The following LHX5 variants were observed in gnomAD, a reference collection of about 807,000 sequenced individuals.
The protein encoded by LHX5 is LIM/homeobox protein Lhx5.
A neutral mutation model predicts 30.6 loss-of-function variants in LHX5; 5 were observed. The observed-to-expected ratio is 0.16, with a 90% CI of 0.09 to 0.34. The LOEUF (loss-of-function observed/expected upper bound fraction) is 0.34, where lower values mean the gene tolerates loss of function less well. Ranked by LOEUF, LHX5 falls within the 10% of genes least tolerant of loss-of-function variation. The pLI, the probability that LHX5 is intolerant of heterozygous loss-of-function variation, is 1.00. For synonymous variants in LHX5, 266 were observed against 252.6 expected (o/e 1.05, Z -0.50); for missense variants, 458 against 570.6 (o/e 0.80, Z 2.01).
Position 113,464,963 on chromosome 12 carries a change from G to A in LHX5, c.842-1406C>T, listed in dbSNP as rs1237166226. Among the ~76,000 whole-genome samples, 2 of 152,134 alleles carry A rather than the reference G, an allele frequency of 1.3e-5. No individual in the cohort carries two copies. The highest frequency in any genetic ancestry group is 2.4e-5 in the African/African-American group (1 of 41,444). On this transcript the variant is annotated intron_variant, in intron 4 of 4. Transcript: ENST00000261731. This position sits in a 1 kb window ranked among gnomAD's most constrained non-coding sequence, Gnocchi z 6.2. ...GACTGACGTGGGGGACGTCACGAAA[G>A]GACCACCTTGTACCAGGCACCCGCT... is the stretch of plus-strand genomic sequence containing the variant.
rs1028646598 is a variant in LHX5, at chr12:113,463,796, C to T, written c.842-239G>A. On this transcript the variant is annotated intron_variant, in intron 4 of 4. Transcript: ENST00000261731. This position sits in a 1 kb window ranked among gnomAD's most constrained non-coding sequence, Gnocchi z 6.7. Reference sequence around the variant, plus strand: ...TCGAAAGGGCAAGAGACTCAGACTGCCAGAGACCACACACAGAGACGGGAG... The same window carrying T: ...TCGAAAGGGCAAGAGACTCAGACTGTCAGAGACCACACACAGAGACGGGAG... Among the ~76,000 whole-genome samples the T allele has an allele frequency of 6.6e-6, 1 of 152,074 alleles. No individual in the cohort carries two copies. The highest frequency in any genetic ancestry group is 2.4e-5 in the African/African-American group (1 of 41,408).
intron 1 of LHX5, among the ~76,000 whole-genome samples, chr12:113,470,108 G>A (rs1171404532): frequency 1.3e-5 from 2 of 152,136 alleles, no homozygotes; most frequent in Non-Finnish European, 2.9e-5. Flanking sequence ...TCAAATCCCC[G>A]CTTTCCCGCG....
chr12:113,467,996 C>T lies in LHX5; in HGVS notation c.675+131G>A. The T allele has an allele frequency of 3.1e-6, 4 of 1,289,634 alleles. No homozygotes were observed. Among genetic ancestry groups the T allele is most frequent in the Non-Finnish European group, 4.1e-6 (4 of 968,130 alleles). The allele number at this position is 1,289,634 out of a possible 1,614,324, so 79.9% of individuals were successfully genotyped here. The stretch of plus-strand genomic sequence containing the variant: ...CCCGACCTCGGGCAAGTGCCCCACT[C>T]GGGCGCACGGTCTGCTCCCAGACCA... On this transcript the variant is annotated intron_variant, in intron 3 of 4. Coordinates refer to ENST00000261731, the MANE Select transcript of LHX5 (RefSeq NM_022363.3). This position sits in a 1 kb window ranked among gnomAD's most constrained non-coding sequence, Gnocchi z 6.3.
rs557001401 is a variant in LHX5 at position 113,465,199 on chromosome 12, A to G, written c.842-1642T>C. 2.8e-4 allele frequency among the ~76,000 whole-genome samples: 43 copies of G among 152,318 alleles called. No individual in the cohort carries two copies. Among genetic ancestry groups the G allele is most frequent in the Middle Eastern group, 6.8e-3 (2 of 294 alleles). On this transcript the variant is annotated intron_variant, in intron 4 of 4. Coordinates refer to ENST00000261731, the MANE Select transcript of LHX5 (RefSeq NM_022363.3). This position sits in a 1 kb window ranked among gnomAD's most constrained non-coding sequence, Gnocchi z 6.7. ...TAAGCAACAGCTAAAACGGTTGCCA[A>G]TTACTTTTTAAAACCATTAATTTAA...
rs1958219767 is a variant in LHX5 at position 113,467,186 on chromosome 12, C to T, written c.841+70G>A. The T allele has an allele frequency of 1.2e-5, 17 of 1,365,786 alleles. No homozygotes were observed. The highest frequency in any genetic ancestry group is 1.4e-5 in the Non-Finnish European group (15 of 1,049,510). 84.6% of individuals were successfully genotyped at this position (1,365,786 alleles called of 1,614,324 possible). Reference sequence around the variant, plus strand: ...TCTGGAGCGGCGGAAAGCGTGCTGGCCGGGACCCTTCGCCCTCAGCTCCCG... The same window carrying T: ...TCTGGAGCGGCGGAAAGCGTGCTGGTCGGGACCCTTCGCCCTCAGCTCCCG... On this transcript the variant is annotated intron_variant, in intron 4 of 4. Transcript: ENST00000261731. The surrounding 1 kb of genome is among the most constrained non-coding windows in gnomAD (Gnocchi z 6.3).
chr12:113,471,241 G>A lies in LHX5; in HGVS notation c.173+85C>T. 15 of 1,402,670 alleles carry A rather than the reference G, an allele frequency of 1.1e-5. No individual in the cohort carries two copies. The South Asian group carries it at 1.8e-4, about 17-fold the overall frequency. 86.9% of individuals were successfully genotyped at this position (1,402,670 alleles called of 1,614,324 possible). A position where few individuals can be genotyped will look rare whatever the true frequency, so the allele number is the denominator to read the frequency against. On this transcript the variant is annotated intron_variant, in intron 1 of 4. Transcript: ENST00000261731. ...CTTGTGATCCGGGGAGGCTGGGATG[G>A]GGATGGGGGTATCCCCTTCCCCAGC...
intron 1 of LHX5, among the ~76,000 whole-genome samples, chr12:113,470,988 G>C (rs1270457755): frequency 6.6e-6 from 1 of 152,194 alleles, no homozygotes; most frequent in Non-Finnish European, 1.5e-5. Context: ...TCTCTCTCGG[G>C]ACGGGGCTTG....
At position 113,463,343 on chromosome 12, in the gene LHX5, G is replaced by C. The variant is rs1334769128; in HGVS notation, c.1056C>G (p.Ser352Arg). The C allele has an allele frequency of 1.9e-6, 3 of 1,545,148 alleles. No individual in the cohort carries two copies. The South Asian group carries it at 3.6e-5, about 18-fold the overall frequency. The stretch of plus-strand genomic sequence containing the variant: ...GCGTGCCCGGCAGGCCTGGCTCGGG[G>C]CTCGGTGTGTCCGGGTGCGAGATCA... The part of the protein sequence containing the change: ...TDMISHPDTP[S>R]PEPGLPGTLH... Residue 352 changes from serine (S) to arginine (R), a missense_variant, in exon 5 of 5, where the codon AGC (serine) becomes AGG (arginine). Physicochemically the swap from Ser to Arg is moderately radical, Grantham distance 110. Around this residue, in one of 3 missense-constraint regions of LHX5, gnomAD observed 255 missense variants for 246.8 expected, o/e 1.03. Coordinates refer to ENST00000261731, the MANE Select transcript of LHX5 (RefSeq NM_022363.3). The surrounding 1 kb of genome is among the most constrained non-coding windows in gnomAD (Gnocchi z 6.7).
At position 113,467,125 on chromosome 12, in the gene LHX5, G is replaced by A; in HGVS notation, c.841+131C>T. 1 of 874,198 alleles carries A rather than the reference G, an allele frequency of 1.1e-6. No individual in the cohort carries two copies. The highest frequency in any genetic ancestry group is 1.6e-6 in the Non-Finnish European group (1 of 618,672). The allele number at this position is 874,198 out of a possible 1,614,324, so 54.2% of individuals were successfully genotyped here. On this transcript the variant is annotated intron_variant, in intron 4 of 4. Transcript: ENST00000261731. The surrounding 1 kb of genome is among the most constrained non-coding windows in gnomAD (Gnocchi z 6.3). The stretch of plus-strand genomic sequence containing the variant: ...CCAGGACATGTGGGTGAGTGTACAT[G>A]TGTCTGTGATCGTGTGTCCAGCGAG...
Position 113,471,455 on chromosome 12 carries a change from C to T in LHX5, c.44G>A (p.Arg15His). The change falls in exon 1 of 5, where the codon CGC becomes CAC. Residue 15 changes from arginine to histidine, a missense_variant. Physicochemically the swap from Arg to His is conservative, Grantham distance 29. Coordinates refer to ENST00000261731, the MANE Select transcript of LHX5 (RefSeq NM_022363.3). ...GCGGTCCAGCACGTTCAGCAGAAAGCGGTCGAGGATGGGCCGCTCGCAACC... is the reference window on the plus strand; with the variant it reads ...GCGGTCCAGCACGTTCAGCAGAAAGTGGTCGAGGATGGGCCGCTCGCAACC... ...CAGCERPILDRFLLNVLDRAW... is the reference protein window; with the variant it reads ...CAGCERPILDHFLLNVLDRAW... 6.2e-7 allele frequency: 1 copy of T among 1,611,598 alleles called. No homozygotes were observed. Among genetic ancestry groups the T allele is most frequent in the Non-Finnish European group, 8.5e-7 (1 of 1,178,976 alleles).
rs1958192713 is a variant in LHX5 at position 113,463,611 on chromosome 12, G to C, written c.842-54C>G. ...GGCGCGGTGAGAGAAGGCGAAGTAG[G>C]CGGGGGACCCGGGACCCGGGGAGGG... On this transcript the variant is annotated intron_variant, in intron 4 of 4. Coordinates refer to ENST00000261731, the MANE Select transcript of LHX5 (RefSeq NM_022363.3). This position sits in a 1 kb window ranked among gnomAD's most constrained non-coding sequence, Gnocchi z 6.7. 6.8e-7 allele frequency: 1 copy of C among 1,463,574 alleles called. No individual in the cohort carries two copies. Among genetic ancestry groups the C allele is most frequent in the South Asian group, 1.4e-5 (1 of 72,728 alleles). 90.7% of individuals were successfully genotyped at this position (1,463,574 alleles called of 1,614,324 possible).
Position 113,469,361 on chromosome 12 carries a change from G to A in LHX5, c.174-16C>T. 1 of 1,606,154 alleles carries A rather than the reference G, an allele frequency of 6.2e-7. No homozygotes were observed. The highest frequency in any genetic ancestry group is 1.3e-5 in the African/African-American group (1 of 75,016). On this transcript the variant is annotated splice_polypyrimidine_tract_variant and intron_variant, in intron 1 of 4. Coordinates refer to ENST00000261731, the MANE Select transcript of LHX5 (RefSeq NM_022363.3). The stretch of plus-strand genomic sequence containing the variant: ...GCCAAAGCGCCTGTGGACACAATGT[G>A]CCTGTCACTATGGGGTGGGACTGCA...
rs2136976259 is a variant in LHX5 at position 113,464,418 on chromosome 12, C to T, written c.842-861G>A. On this transcript the variant is annotated intron_variant, in intron 4 of 4. Coordinates refer to ENST00000261731, the MANE Select transcript of LHX5 (RefSeq NM_022363.3). The surrounding 1 kb of genome is among the most constrained non-coding windows in gnomAD (Gnocchi z 6.2). ...CGGCAGGAGCGACTGGTGGGTTGGG[C>T]CGGGCGGGGCGGCCTTGGCGCCCTA... Among the ~76,000 whole-genome samples, 1 of 152,344 alleles carries T rather than the reference C, an allele frequency of 6.6e-6. No homozygotes were observed. The highest frequency in any genetic ancestry group is 6.5e-5 in the Admixed American group (1 of 15,306).
intron 1 of LHX5, 30 bp from the exon 2 acceptor site, chr12:113,469,375 G>C: frequency 6.3e-7 from 1 of 1,593,398 alleles, no homozygotes; most frequent in Non-Finnish European, 8.5e-7. Context: ...GTCACTATGG[G>C]GTGGGACTGC....
rs999400742 is a variant in LHX5 at position 113,464,664 on chromosome 12, G to T, written c.842-1107C>A. 6.6e-6 allele frequency among the ~76,000 whole-genome samples: 1 copy of T among 152,196 alleles called. No homozygotes were observed. Reference sequence around the variant, plus strand: ...CTTGGGGTAGAAGCTCGGTCCTCCAGCCTTGCCCCGGGTTGGTTTTGCCAG... The same window carrying T: ...CTTGGGGTAGAAGCTCGGTCCTCCATCCTTGCCCCGGGTTGGTTTTGCCAG... On this transcript the variant is annotated intron_variant, in intron 4 of 4. Coordinates refer to ENST00000261731, the MANE Select transcript of LHX5 (RefSeq NM_022363.3). This position sits in a 1 kb window ranked among gnomAD's most constrained non-coding sequence, Gnocchi z 6.2.
At position 113,471,311 on chromosome 12, in the gene LHX5, G is replaced by T. The variant is rs747416997; in HGVS notation, c.173+15C>A. ...AGGGTGGGCGCGCAGGCAGCAGAGCGGCGCGGCCTCTTACCTGAAAAAGTC... is the reference window on the plus strand; with the variant it reads ...AGGGTGGGCGCGCAGGCAGCAGAGCTGCGCGGCCTCTTACCTGAAAAAGTC... On this transcript the variant is annotated intron_variant, in intron 1 of 4. Transcript: ENST00000261731. 1 of 1,612,430 alleles carries T rather than the reference G, an allele frequency of 6.2e-7. No homozygotes were observed. Among genetic ancestry groups the T allele is most frequent in the Non-Finnish European group, 8.5e-7 (1 of 1,179,550 alleles).
Position 113,466,122 on chromosome 12 carries a change from T to G in LHX5, c.841+1134A>C, listed in dbSNP as rs1464779994. Among the ~76,000 whole-genome samples, 1 of 152,206 alleles carries G rather than the reference T, an allele frequency of 6.6e-6. No homozygotes were observed. Among genetic ancestry groups the G allele is most frequent in the Non-Finnish European group, 1.5e-5 (1 of 68,036 alleles). ...TGCCTAGCTCCTGCCTTGCTAACACTGCCACTGAACCCACTTTCTAAGAGA... is the reference window on the plus strand; with the variant it reads ...TGCCTAGCTCCTGCCTTGCTAACACGGCCACTGAACCCACTTTCTAAGAGA... On this transcript the variant is annotated intron_variant, in intron 4 of 4. Transcript: ENST00000261731. The surrounding 1 kb of genome is among the most constrained non-coding windows in gnomAD (Gnocchi z 6.5).
chr12:113,463,123 T>G lies in LHX5; in HGVS notation c.*67A>C. 5 of 1,349,692 alleles carry G rather than the reference T, an allele frequency of 3.7e-6. No homozygotes were observed. The highest frequency in any genetic ancestry group is 4.9e-6 in the Non-Finnish European group (5 of 1,030,044). 83.6% of individuals were successfully genotyped at this position (1,349,692 alleles called of 1,614,324 possible). On this transcript the variant is annotated 3_prime_UTR_variant, in exon 5 of 5. Transcript: ENST00000261731. The surrounding 1 kb of genome is among the most constrained non-coding windows in gnomAD (Gnocchi z 6.7). ...TCCCACCGCGTCTGCGTCGGGCGTT[T>G]TGGTTTCAGGAGGCTGCTTCGGGGC...
At chr12:113,471,252 A>G in intron 1 of LHX5, 74 bp downstream of exon 1, 4 of 1,479,250 alleles carry the variant, frequency 2.7e-6, no homozygotes, top group South Asian at 2.4e-5. Context: ...GGATGGGGGT[A>G]TCCCCTTCCC....
Sources: allele counts gnomAD v4.1 joint callset (sites outside exome capture counted in the v4.1 genomes callset), GRCh38; gene constraint gnomAD v4.1.1; regional missense constraint gnomAD v4.1.1; non-coding constraint Gnocchi (gnomAD v3.1); transcripts MANE v1.5; gene names NCBI Gene and HGNC (gene_info 2026-07-23, HGNC 2026-07-21).